Variants in NXPH1 observed in about 807,000 individuals in gnomAD.
NXPH1 encodes neurexophilin-1.
NXPH1 carries 5 observed loss-of-function variants against 23.7 expected under a neutral mutation model. That is an observed-to-expected ratio of 0.21 (90% CI 0.11 to 0.44). The LOEUF (loss-of-function observed/expected upper bound fraction) is 0.44. Ranked by LOEUF, NXPH1 falls within the 20% of genes least tolerant of loss-of-function variation. NXPH1 has a pLI of 0.99. For synonymous variants in NXPH1, 144 were observed against 122.2 expected, an observed-to-expected ratio of 1.18 and a Z score of -1.18; for missense variants, 324 against 321.6, an observed-to-expected ratio of 1.01 and a Z score of -0.06.
intron 2 of NXPH1, among the ~76,000 whole-genome samples, chr7:8,506,582 G>A (rs1215367543): frequency 6.6e-6 from 1 of 152,072 alleles, no homozygotes; most frequent in Non-Finnish European, 1.5e-5. Context: ...CAGATAGCCA[G>A]TAGGGACAGT....
At chr7:8,621,755 G>C (rs1329925699) in intron 2 of NXPH1, among the ~76,000 whole-genome samples, 1 of 152,042 alleles carries the variant, frequency 6.6e-6, no homozygotes, top group Non-Finnish European at 1.5e-5. Context: ...CAAGGTGCTG[G>C]GATTCAACTC....
chr7:8,564,456 T>G (rs965829504), intron 2 of NXPH1, among the ~76,000 whole-genome samples: 1 of 151,668 alleles, frequency 6.6e-6, no homozygotes, highest in Non-Finnish European at 1.5e-5. Flanking sequence ...AGAAGCTGTG[T>G]TGATTGTAGG....
At chr7:8,552,975 C>T (rs916836946) in intron 2 of NXPH1, among the ~76,000 whole-genome samples, 15 of 151,450 alleles carry the variant, frequency 9.9e-5, no homozygotes, top group Admixed American at 5.9e-4. Context: ...AGTCAGACAG[C>T]CATTTTTACA....
chr7:8,683,944 G>C (rs183224514), intron 2 of NXPH1, among the ~76,000 whole-genome samples: 1 of 152,124 alleles, frequency 6.6e-6, no homozygotes. Flanking sequence ...TTTCTACTAT[G>C]AGTCTGCTTT....
At chr7:8,499,042 T>C (rs769047263) in intron 2 of NXPH1, among the ~76,000 whole-genome samples, 1 of 152,046 alleles carries the variant, frequency 6.6e-6, no homozygotes, top group Non-Finnish European at 1.5e-5. Context: ...AGATTCTACA[T>C]AGTGTAAAGC....
chr7:8,513,621 C>T (rs1244040751), intron 2 of NXPH1, among the ~76,000 whole-genome samples: 1 of 151,970 alleles, frequency 6.6e-6, no homozygotes, highest in Non-Finnish European at 1.5e-5. Context: ...GAGTAGCTAC[C>T]AACATTGCAT....
chr7:8,636,163 C>G (rs1467856273), intron 2 of NXPH1, among the ~76,000 whole-genome samples: 2 of 152,178 alleles, frequency 1.3e-5, no homozygotes, highest in Admixed American at 6.5e-5. Context: ...TTTGTGCTTA[C>G]ATACTCAGGA....
chr7:8,608,536 G>A (rs966566108), intron 2 of NXPH1, among the ~76,000 whole-genome samples: 3 of 152,028 alleles, frequency 2.0e-5, no homozygotes, highest in African/African-American at 7.2e-5. Context: ...AAGAATGGAG[G>A]TAGTGGCAGA....
At chr7:8,573,183 C>G (rs941099898) in intron 2 of NXPH1, among the ~76,000 whole-genome samples, 5 of 151,808 alleles carry the variant, frequency 3.3e-5, no homozygotes, top group Non-Finnish European at 5.9e-5. Context: ...TTCTCCTTGT[C>G]ATTAAAAACT....
At chr7:8,496,359 G>T (rs113962144) in intron 2 of NXPH1, among the ~76,000 whole-genome samples, 5 of 152,106 alleles carry the variant, frequency 3.3e-5, no homozygotes, top group African/African-American at 1.2e-4. Flanking sequence ...GGAGGAGAAA[G>T]AAGGCAGAAA....
chr7:8,498,324 T>C (rs948984336), intron 2 of NXPH1, among the ~76,000 whole-genome samples: 4 of 152,064 alleles, frequency 2.6e-5, no homozygotes, highest in African/African-American at 9.7e-5. Flanking sequence ...ATTGGTAAAA[T>C]CAGTGCTGAA....
At chr7:8,555,152 T>C (rs185394335) in intron 2 of NXPH1, among the ~76,000 whole-genome samples, 151 of 151,778 alleles carry the variant, frequency 9.9e-4, no homozygotes, top group African/African-American at 3.3e-3. Flanking sequence ...GTGGTTCTAA[T>C]GGTCAGGAGT....
intron 2 of NXPH1, among the ~76,000 whole-genome samples, chr7:8,473,737 G>GA (rs1563320753): frequency 1.6e-4 from 23 of 144,720 alleles, no homozygotes. Flanking sequence ...TGCTGTGTGT[G>GA]TTTTTTTTTT....
At chr7:8,444,634 T>C (rs1447051754) in intron 2 of NXPH1, among the ~76,000 whole-genome samples, 1 of 152,238 alleles carries the variant, frequency 6.6e-6, no homozygotes, top group African/African-American at 2.4e-5. Flanking sequence ...TTACCTGCAA[T>C]ACCATAGTAC....
chr7:8,648,279 G>C (rs5016805), intron 2 of NXPH1, among the ~76,000 whole-genome samples: 109,675 of 151,896 alleles, frequency 0.72, 40,115 homozygotes, highest in East Asian at 1. Flanking sequence ...TTTTCTTGTA[G>C]CCATTAACCA....
intron 2 of NXPH1, among the ~76,000 whole-genome samples, chr7:8,574,952 C>G (rs1397392662): frequency 6.6e-6 from 1 of 152,168 alleles, no homozygotes; most frequent in Non-Finnish European, 1.5e-5. Context: ...ATGGCACTTA[C>G]CACCAGACAT....
chr7:8,523,877 A>G (rs1198693997), intron 2 of NXPH1, among the ~76,000 whole-genome samples: 5 of 152,144 alleles, frequency 3.3e-5, no homozygotes, highest in Non-Finnish European at 5.9e-5. Context: ...TGCTTTTGCC[A>G]ACCTGCATGC....
chr7:8,597,523 G>A (rs910569991), intron 2 of NXPH1, among the ~76,000 whole-genome samples: 1 of 151,994 alleles, frequency 6.6e-6, no homozygotes, highest in African/African-American at 2.4e-5. Context: ...CTTTCTTTAT[G>A]TCTAGAATTT....
chr7:8,589,657 C>T (rs571168543), intron 2 of NXPH1, among the ~76,000 whole-genome samples: 1 of 151,978 alleles, frequency 6.6e-6, no homozygotes, highest in East Asian at 1.9e-4. Flanking sequence ...AAAAAGATAA[C>T]CTGAAGAGAA....
Sources: allele counts gnomAD v4.1 joint callset (sites outside exome capture counted in the v4.1 genomes callset), GRCh38; gene constraint gnomAD v4.1.1; transcripts MANE v1.5; gene names NCBI Gene and HGNC (gene_info 2026-07-23, HGNC 2026-07-21).